SDCCAG8: variants seen among roughly 807,000 people sequenced by gnomAD.
The protein encoded by SDCCAG8 is serologically defined colon cancer antigen 8.
SDCCAG8 carries 74 observed loss-of-function variants against 101.8 expected under a neutral mutation model. The observed-to-expected ratio is 0.73, with a 90% CI of 0.60 to 0.88. The LOEUF (loss-of-function observed/expected upper bound fraction) is 0.88, where lower values mean the gene tolerates loss of function less well. Ranked by LOEUF, SDCCAG8 falls within the 40% of genes least tolerant of loss-of-function variation. The pLI is 0.00. For missense variants in SDCCAG8, 787 were observed against 822.6 expected, an observed-to-expected ratio of 0.96 and a Z score of 0.53; for synonymous variants, 281 against 292.9, an observed-to-expected ratio of 0.96 and a Z score of 0.41.
intron 8 of SDCCAG8, among the ~76,000 whole-genome samples, chr1:243,309,550 G>A (rs1459277480): frequency 6.6e-6 from 1 of 152,174 alleles, no homozygotes; most frequent in East Asian, 1.9e-4. Context: ...CTTTGCCAAG[G>A]CTGGAATGTA....
At chr1:243,444,259 T>C (rs1303289777) in intron 16 of SDCCAG8, among the ~76,000 whole-genome samples, 1 of 152,220 alleles carries the variant, frequency 6.6e-6, no homozygotes, top group East Asian at 1.9e-4. Context: ...GAAATACTTA[T>C]TTTTGACAAG....
rs1278289462 is a variant in SDCCAG8, at chr1:243,272,147, A to AG, written c.306+1085dup. Among the ~76,000 whole-genome samples, 4 of 152,344 alleles carry AG rather than the reference A, an allele frequency of 2.6e-5. No homozygotes were observed. The East Asian group carries it at 7.7e-4, about 29-fold the overall frequency. On this transcript the variant is annotated intron_variant, in intron 3 of 17. Transcript: ENST00000366541. ...ACAGAGTTTTTGGAATAATGAGATA[A>AG]GATTACATACTTAAAATTCTTTAGA...
intron 4 of SDCCAG8, among the ~76,000 whole-genome samples, chr1:243,279,241 T>C (rs1490414482): frequency 6.6e-6 from 1 of 152,220 alleles, no homozygotes; most frequent in Non-Finnish European, 1.5e-5. Flanking sequence ...AGGTTATTTG[T>C]AGATGTTCTT....
At chr1:243,482,163 G>A (rs1574311869) in intron 16 of SDCCAG8, among the ~76,000 whole-genome samples, 1 of 152,216 alleles carries the variant, frequency 6.6e-6, no homozygotes, top group East Asian at 1.9e-4. Flanking sequence ...AGCTTGCACC[G>A]CTTCTGTTTT....
chr1:243,485,598 A>G (rs1441550172), intron 16 of SDCCAG8, among the ~76,000 whole-genome samples: 5 of 152,176 alleles, frequency 3.3e-5, no homozygotes, highest in African/African-American at 7.2e-5. Flanking sequence ...GGCTTTTCCA[A>G]AAATAAATAA....
intron 12 of SDCCAG8, among the ~76,000 whole-genome samples, chr1:243,371,532 C>T (rs2077288769): frequency 6.6e-6 from 1 of 152,100 alleles, no homozygotes; most frequent in Admixed American, 6.6e-5. Flanking sequence ...TAGCTGGTAT[C>T]AGTGTTACTA....
intron 12 of SDCCAG8, among the ~76,000 whole-genome samples, chr1:243,350,872 C>G (rs1193441384): frequency 6.6e-6 from 1 of 152,174 alleles, no homozygotes; most frequent in Admixed American, 6.5e-5. Flanking sequence ...CCTCTGAGGT[C>G]CAGTCTTCTA....
intron 3 of SDCCAG8, among the ~76,000 whole-genome samples, chr1:243,272,715 T>A (rs2068196149): frequency 6.6e-6 from 1 of 152,218 alleles, no homozygotes; most frequent in Admixed American, 6.5e-5. Context: ...TATATGGAGC[T>A]ATGTAAAAGA....
chr1:243,440,467 T>G (rs2082458461), intron 16 of SDCCAG8, among the ~76,000 whole-genome samples: 1 of 152,224 alleles, frequency 6.6e-6, no homozygotes, highest in African/African-American at 2.4e-5. Context: ...CCTTTTCACC[T>G]GACTTGGGAA....
chr1:243,302,311 G>C (rs1452730436), intron 6 of SDCCAG8, among the ~76,000 whole-genome samples: 7 of 151,518 alleles, frequency 4.6e-5, no homozygotes, highest in Non-Finnish European at 1.0e-4. Context: ...TGCCTGAATA[G>C]GTTTTTAATG....
chr1:243,464,404 G>C (rs1327856368), intron 16 of SDCCAG8, among the ~76,000 whole-genome samples: 2 of 152,052 alleles, frequency 1.3e-5, no homozygotes, highest in Admixed American at 1.3e-4. Flanking sequence ...AATATAGTTA[G>C]CATTTGATTT....
chr1:243,478,269 CAA>C (rs1662810123), intron 16 of SDCCAG8, among the ~76,000 whole-genome samples: 1 of 152,226 alleles, frequency 6.6e-6, no homozygotes, highest in Non-Finnish European at 1.5e-5. Flanking sequence ...GATTTAGAGT[CAA>C]GAGATGTGGG....
chr1:243,338,116 C>T (rs934109099), intron 10 of SDCCAG8, among the ~76,000 whole-genome samples: 2 of 151,978 alleles, frequency 1.3e-5, no homozygotes, highest in Non-Finnish European at 2.9e-5. Context: ...GAATTGGGGT[C>T]TCATTATGTT....
chr1:243,345,874 C>G (rs1276101406), intron 12 of SDCCAG8, among the ~76,000 whole-genome samples: 1 of 152,146 alleles, frequency 6.6e-6, no homozygotes, highest in African/African-American at 2.4e-5. Flanking sequence ...TTACAAGGAG[C>G]AGTTTTCATT....
intron 12 of SDCCAG8, among the ~76,000 whole-genome samples, chr1:243,363,554 G>A (rs1457271603): frequency 6.6e-6 from 1 of 152,122 alleles, no homozygotes. Context: ...CTGGATAAAT[G>A]GGCTAAATTG....
At position 243,270,821 on chromosome 1, in the gene SDCCAG8, CT is replaced by C. The variant is rs78256147; in HGVS notation, c.221-144del. On this transcript the variant is annotated intron_variant, in intron 2 of 17. Transcript: ENST00000366541. ...TCTTAGCTCTTAAGGGGTAGAAATT[CT>C]TTTTTTTTTTTTATGTTGGTCTTGT... Among the ~76,000 whole-genome samples the C allele has an allele frequency of 0.022, 3,146 of 141,274 alleles. 99 individuals carry two copies. The highest frequency in any genetic ancestry group is 0.072 in the African/African-American group (2,810 of 38,928). 92.7% of individuals were successfully genotyped at this position (141,274 alleles called of 152,430 possible).
chr1:243,280,370 C>T (rs1159665385), intron 4 of SDCCAG8, among the ~76,000 whole-genome samples: 1 of 151,762 alleles, frequency 6.6e-6, no homozygotes, highest in African/African-American at 2.4e-5. Flanking sequence ...TTTTATTCAT[C>T]TTTTCAAAGA....
At chr1:243,263,295 C>T (rs1469707888) in intron 1 of SDCCAG8, among the ~76,000 whole-genome samples, 1 of 152,106 alleles carries the variant, frequency 6.6e-6, no homozygotes, top group Non-Finnish European at 1.5e-5. Context: ...GCCAGGGATG[C>T]TATTAAACTG....
At position 243,361,696 on chromosome 1, in the gene SDCCAG8, C is replaced by T. The variant is rs12728252; in HGVS notation, c.1474-17025C>T. ...AACATCTTCCACATATATTCTTTCC[C>T]ACTCTTCCTTTGCTTAACCAGCTCT... On this transcript the variant is annotated intron_variant, in intron 12 of 17. Coordinates refer to ENST00000366541, the MANE Select transcript of SDCCAG8 (RefSeq NM_006642.5). Among the ~76,000 whole-genome samples, 941 of 152,316 alleles carry T rather than the reference C, an allele frequency of 6.2e-3. 6 individuals are homozygous for T. Among genetic ancestry groups the T allele is most frequent in the Non-Finnish European group, 0.01 (706 of 68,024 alleles).
Sources: allele counts gnomAD v4.1 joint callset (sites outside exome capture counted in the v4.1 genomes callset), GRCh38; gene constraint gnomAD v4.1.1; transcripts MANE v1.5; gene names NCBI Gene and HGNC (gene_info 2026-07-23, HGNC 2026-07-21).